The following VWA8 variants were observed in gnomAD, a reference collection of about 807,000 sequenced individuals.
VWA8 encodes von Willebrand factor A domain containing 8.
In VWA8, 221 loss-of-function variants were observed where a neutral mutation model predicts 241.5. The ratio of observed to expected loss-of-function variants is 0.91; its 90% CI spans 0.82 to 1.02. The LOEUF (loss-of-function observed/expected upper bound fraction) is 1.02, where lower values mean the gene tolerates loss of function less well. Ranked by LOEUF, VWA8 falls within the 50% of genes least tolerant of loss-of-function variation. The pLI, the probability that VWA8 is intolerant of heterozygous loss-of-function variation, is 0.00. For missense variants in VWA8, 2,322 were observed against 2,328.7 expected (o/e 1.00, Z 0.06); for synonymous variants, 852 against 827.1 (o/e 1.03, Z -0.52).
At chr13:41,742,973 T>C (rs952347968) in intron 21 of VWA8, among the ~76,000 whole-genome samples, 2 of 152,204 alleles carry the variant, frequency 1.3e-5, no homozygotes, top group South Asian at 2.1e-4. Context: ...GAAAACACTT[T>C]GATTTTCATT....
chr13:41,716,361 A>T (rs1375038848), intron 26 of VWA8, among the ~76,000 whole-genome samples: 2 of 152,056 alleles, frequency 1.3e-5, no homozygotes, highest in Non-Finnish European at 2.9e-5. Context: ...TGTGAGATAG[A>T]TAACATCACT....
At chr13:41,859,569 A>G (rs1391664307) in intron 12 of VWA8, among the ~76,000 whole-genome samples, 2 of 152,240 alleles carry the variant, frequency 1.3e-5, no homozygotes, top group Non-Finnish European at 2.9e-5. Context: ...TGATGTAGAA[A>G]GAAATCTGGA....
intron 4 of VWA8, among the ~76,000 whole-genome samples, chr13:41,904,850 G>A (rs1468006943): frequency 2.0e-5 from 3 of 152,036 alleles, no homozygotes; most frequent in Non-Finnish European, 4.4e-5. Flanking sequence ...AAGAAGTTCA[G>A]TGGAAATGAT....
intron 5 of VWA8, among the ~76,000 whole-genome samples, chr13:41,890,656 G>T (rs954471072): frequency 6.6e-6 from 1 of 152,190 alleles, no homozygotes; most frequent in African/African-American, 2.4e-5. Context: ...AGGAACTTGA[G>T]ATAATACCAG....
intron 12 of VWA8, among the ~76,000 whole-genome samples, chr13:41,840,393 C>A (rs771441795): frequency 2.7e-4 from 41 of 151,792 alleles, no homozygotes; most frequent in Non-Finnish European, 5.4e-4. Context: ...GTGCAGCAAA[C>A]CACCATGGTA....
At chr13:41,918,889 G>A (rs9532948) in intron 2 of VWA8, among the ~76,000 whole-genome samples, 34,507 of 151,798 alleles carry the variant, frequency 0.23, 4,002 homozygotes, top group East Asian at 0.29. Flanking sequence ...TGTGTTCTCC[G>A]ACCAAAATTA....
intron 2 of VWA8, among the ~76,000 whole-genome samples, chr13:41,921,870 T>A (rs1015961713): frequency 2.0e-5 from 3 of 152,180 alleles, no homozygotes; most frequent in African/African-American, 7.2e-5. Flanking sequence ...CAAGGTAATT[T>A]ATAGACTCAA....
At chr13:41,675,875 G>A (rs1241663637) in intron 35 of VWA8, among the ~76,000 whole-genome samples, 1 of 152,080 alleles carries the variant, frequency 6.6e-6, no homozygotes, top group Non-Finnish European at 1.5e-5. Flanking sequence ...GCAAAGCACC[G>A]ACAGGGGTTG....
intron 21 of VWA8, among the ~76,000 whole-genome samples, chr13:41,738,662 A>G (rs970494563): frequency 2.0e-5 from 3 of 152,356 alleles, no homozygotes; most frequent in South Asian, 4.1e-4. Context: ...TCTGAAAACT[A>G]GCTTTCCAGC....
intron 8 of VWA8, among the ~76,000 whole-genome samples, chr13:41,884,388 G>C (rs1215451395): frequency 6.6e-6 from 1 of 152,040 alleles, no homozygotes; most frequent in Non-Finnish European, 1.5e-5. Context: ...GGACGTGTTT[G>C]CTTCCTCTTC....
chr13:41,804,500 A>AG (rs1235142583), intron 17 of VWA8, among the ~76,000 whole-genome samples: 1 of 152,152 alleles, frequency 6.6e-6, no homozygotes, highest in African/African-American at 2.4e-5. Flanking sequence ...TTGTCCTACA[A>AG]GGGAAAAAAA....
intron 39 of VWA8, among the ~76,000 whole-genome samples, chr13:41,609,987 AT>A (rs1451364400): frequency 6.6e-6 from 1 of 152,116 alleles, no homozygotes; most frequent in African/African-American, 2.4e-5. Flanking sequence ...TACTCCTATT[AT>A]GGCAACAGGA....
chr13:41,620,327 A>AT (rs1274334902), intron 37 of VWA8, among the ~76,000 whole-genome samples: 1 of 151,978 alleles, frequency 6.6e-6, no homozygotes, highest in Non-Finnish European at 1.5e-5. Flanking sequence ...CCCCTTTATC[A>AT]TTTTTTATTG....
chr13:41,865,975 A>T lies in VWA8; in HGVS notation c.1274T>A (p.Leu425Ter), dbSNP rs766368344. 1 of 1,614,228 alleles carries T rather than the reference A, an allele frequency of 6.2e-7. No individual in the cohort carries two copies. The highest frequency in any genetic ancestry group is 1.1e-5 in the South Asian group (1 of 91,086). Reference protein sequence around the residue: ...PCASDRFIQTLSHKQLQAEMM... With the variant: ...PCASDRFIQT ...TTCAGCCTGTAGCTGCTTATGGCTCAAAGTCTGTATGAAACGGTCTGACGC... is the reference window on the plus strand; with the variant it reads ...TTCAGCCTGTAGCTGCTTATGGCTCTAAGTCTGTATGAAACGGTCTGACGC... Residue 425 changes from leucine to a stop codon, truncating the protein, a stop_gained, in exon 11 of 45, where the codon TTG (leucine) becomes TAG (stop). Coordinates refer to ENST00000379310, the MANE Select transcript of VWA8 (RefSeq NM_015058.2). LOFTEE classifies it high-confidence loss of function.
chr13:41,620,674 C>T (rs375963998), intron 37 of VWA8, among the ~76,000 whole-genome samples: 2 of 152,336 alleles, frequency 1.3e-5, no homozygotes, highest in East Asian at 3.9e-4. Context: ...AGTCCTGCCA[C>T]AGCCCCAAGG....
intron 20 of VWA8, among the ~76,000 whole-genome samples, chr13:41,768,308 C>A (rs1253535629): frequency 6.6e-6 from 1 of 152,226 alleles, no homozygotes; most frequent in East Asian, 1.9e-4. Flanking sequence ...CAGTAGCAAT[C>A]TGCCAGGGCT....
intron 17 of VWA8, among the ~76,000 whole-genome samples, chr13:41,800,417 T>C (rs751173906): frequency 6.6e-6 from 1 of 152,156 alleles, no homozygotes; most frequent in Non-Finnish European, 1.5e-5. Context: ...GAGTAGTGTA[T>C]GGGGAGGACA....
chr13:41,823,945 T>C (rs975978362), intron 14 of VWA8, among the ~76,000 whole-genome samples: 5 of 152,218 alleles, frequency 3.3e-5, no homozygotes, highest in African/African-American at 7.2e-5. Context: ...CCTCAGTTAA[T>C]AGACTTTGTC....
At chr13:41,616,903 C>G (rs1389001521) in intron 37 of VWA8, among the ~76,000 whole-genome samples, 1 of 152,146 alleles carries the variant, frequency 6.6e-6, no homozygotes, top group Non-Finnish European at 1.5e-5. Context: ...AGATGTACTC[C>G]ATGAGAAATG....
Sources: allele counts gnomAD v4.1 joint callset (sites outside exome capture counted in the v4.1 genomes callset), GRCh38; gene constraint gnomAD v4.1.1; transcripts MANE v1.5; gene names NCBI Gene and HGNC (gene_info 2026-07-23, HGNC 2026-07-21).